The following SYN3 variants were observed in gnomAD, a reference collection of about 807,000 sequenced individuals.
SYN3 encodes synapsin III.
In SYN3, 35 loss-of-function variants were observed where a neutral mutation model predicts 65.8. The observed-to-expected ratio is 0.53, with a 90% CI of 0.41 to 0.70. The LOEUF (loss-of-function observed/expected upper bound fraction) is 0.70. Ranked by LOEUF, SYN3 falls within the 30% of genes least tolerant of loss-of-function variation. The pLI is 0.00. For missense variants in SYN3, 680 were observed against 749.0 expected (o/e 0.91, Z 1.08); for synonymous variants, 270 against 292.9 (o/e 0.92, Z 0.80).
intron 12 of SYN3, among the ~76,000 whole-genome samples, chr22:32,526,923 G>A (rs909098665): frequency 1.3e-5 from 2 of 152,310 alleles, no homozygotes; most frequent in South Asian, 4.1e-4. Context: ...GCCAGAGCGA[G>A]TGTGCCCAGG....
intron 6 of SYN3, among the ~76,000 whole-genome samples, chr22:32,627,440 C>A (rs73881771): frequency 0.03 from 4,510 of 152,242 alleles, 87 homozygotes; most frequent in African/African-American, 0.054. Flanking sequence ...GACGCACACT[C>A]ACGGCAGGTC....
At chr22:32,964,100 G>C (rs2051746053) in intron 3 of SYN3, among the ~76,000 whole-genome samples, 1 of 152,064 alleles carries the variant, frequency 6.6e-6, no homozygotes, top group Non-Finnish European at 1.5e-5. Flanking sequence ...TCACCCATTA[G>C]CTCACGACAT....
chr22:32,864,882 A>G, intron 6 of SYN3, 33 bp downstream of exon 6: 1 of 1,575,346 alleles, frequency 6.3e-7, no homozygotes, highest in South Asian at 1.1e-5. Flanking sequence ...ATTCCGCATC[A>G]TGCAAAGAAA....
intron 6 of SYN3, among the ~76,000 whole-genome samples, chr22:32,845,732 G>T (rs2048042303): frequency 6.6e-6 from 1 of 152,138 alleles, no homozygotes; most frequent in African/African-American, 2.4e-5. Context: ...TGTAAAGCTG[G>T]CTTCTAGCCA....
chr22:32,895,455 C>T (rs1216769016), intron 4 of SYN3, among the ~76,000 whole-genome samples: 1 of 152,144 alleles, frequency 6.6e-6, no homozygotes, highest in African/African-American at 2.4e-5. Context: ...CTGAAGAACT[C>T]AGACTAATAC....
chr22:32,561,630 C>T (rs566523188), intron 7 of SYN3, among the ~76,000 whole-genome samples: 3 of 152,316 alleles, frequency 2.0e-5, no homozygotes, highest in Middle Eastern at 3.4e-3. Flanking sequence ...CCTGGCCTGT[C>T]GGCTGCCTGC....
At chr22:32,776,721 T>G (rs188866558) in intron 6 of SYN3, among the ~76,000 whole-genome samples, 4 of 152,202 alleles carry the variant, frequency 2.6e-5, no homozygotes, top group Admixed American at 2.6e-4. Context: ...TGGGATCCTA[T>G]GAGGATCAGA....
In SYN3 at chr22:32,686,689, G is replaced by A. The variant is rs796141936; in HGVS notation, c.712-89953C>T. On this transcript the variant is annotated intron_variant, in intron 6 of 13. Coordinates refer to ENST00000358763, the MANE Select transcript of SYN3 (RefSeq NM_003490.4). The stretch of plus-strand genomic sequence containing the variant: ...TCGGCTCACTGCAACCTCCACTCCC[G>A]GGTTCAAGTGATTCTCCTACCTCAG... Among the ~76,000 whole-genome samples the A allele has an allele frequency of 2.3e-3, 297 of 127,534 alleles. 3 individuals are homozygous for A. In the East Asian group the frequency reaches 0.04, roughly 17 times the overall value. The allele number at this position is 127,534 out of a possible 152,430, so 83.7% of individuals were successfully genotyped here. A position where few individuals can be genotyped will look rare whatever the true frequency, so the allele number is the denominator to read the frequency against.
At chr22:32,676,116 G>A (rs1377963139) in intron 6 of SYN3, among the ~76,000 whole-genome samples, 2 of 152,220 alleles carry the variant, frequency 1.3e-5, no homozygotes, top group African/African-American at 4.8e-5. Context: ...GATCTCCCCT[G>A]AGGAGCCCTC....
intron 3 of SYN3, among the ~76,000 whole-genome samples, chr22:32,978,916 C>T (rs751817421): frequency 4.6e-5 from 7 of 152,068 alleles, no homozygotes; most frequent in African/African-American, 7.2e-5. Flanking sequence ...TGGTGGCTCA[C>T]GCCTGTAATC....
chr22:32,891,697 G>A (rs1031696365), intron 4 of SYN3, among the ~76,000 whole-genome samples: 2 of 152,006 alleles, frequency 1.3e-5, no homozygotes, highest in African/African-American at 2.4e-5. Context: ...CCTAATATAC[G>A]GACCTGTTTT....
At chr22:32,524,461 T>C (rs1354529301) in intron 12 of SYN3, among the ~76,000 whole-genome samples, 1 of 152,200 alleles carries the variant, frequency 6.6e-6, no homozygotes, top group Non-Finnish European at 1.5e-5. Context: ...GCTGTGTAAA[T>C]GGAAAAACAA....
Position 32,952,681 on chromosome 22 carries a change from C to T in SYN3, c.370-21200G>A, listed in dbSNP as rs563458610. On this transcript the variant is annotated intron_variant, in intron 3 of 13. Transcript: ENST00000358763. ...GAAGCGGAAGGCTCACTCGAGCCCA[C>T]GAGTTCAAGGCTGCAGTGAGCTATG... is the stretch of plus-strand genomic sequence containing the variant. Among the ~76,000 whole-genome samples, 139 of 152,194 alleles carry T rather than the reference C, an allele frequency of 9.1e-4. 2 individuals carry two copies. The highest frequency in any genetic ancestry group is 6.4e-3 in the South Asian group (31 of 4,820).
At chr22:32,647,801 G>A (rs1294802580) in intron 6 of SYN3, among the ~76,000 whole-genome samples, 2 of 152,096 alleles carry the variant, frequency 1.3e-5, no homozygotes, top group African/African-American at 2.4e-5. Flanking sequence ...TAGAGACAGG[G>A]TTCCATCATA....
At chr22:32,893,134 T>A (rs990720056) in intron 4 of SYN3, among the ~76,000 whole-genome samples, 1 of 152,184 alleles carries the variant, frequency 6.6e-6, no homozygotes, top group South Asian at 2.1e-4. Flanking sequence ...GCTCTCACTT[T>A]TATGACCAGG....
At chr22:32,525,690 G>T (rs1019310672) in intron 12 of SYN3, among the ~76,000 whole-genome samples, 2 of 143,584 alleles carry the variant, frequency 1.4e-5, no homozygotes, top group Admixed American at 1.4e-4. Context: ...CAGCCTGGGC[G>T]ACAAGGAGAC....
chr22:32,543,283 CTG>C (rs1372669755), intron 7 of SYN3, among the ~76,000 whole-genome samples: 2 of 152,180 alleles, frequency 1.3e-5, no homozygotes, highest in East Asian at 3.9e-4. Flanking sequence ...GATAAGGAAA[CTG>C]AGATTTCTTG....
chr22:32,868,087 A>C (rs2048736730), intron 5 of SYN3, among the ~76,000 whole-genome samples: 1 of 152,194 alleles, frequency 6.6e-6, no homozygotes, highest in Non-Finnish European at 1.5e-5. Context: ...CTGTAAAATG[A>C]AGGGTTGACA....
chr22:32,640,845 C>T (rs536457258), intron 6 of SYN3, among the ~76,000 whole-genome samples: 52 of 151,580 alleles, frequency 3.4e-4, no homozygotes, highest in African/African-American at 7.8e-4. Context: ...CCAGCCTGGG[C>T]GACAGAGCAA....
Sources: gnomAD v4.1 joint callset for allele counts (sites outside exome capture counted in the v4.1 genomes callset) on GRCh38, gnomAD v4.1.1 for gene constraint, MANE v1.5 for transcripts, NCBI Gene and HGNC (gene_info 2026-07-23, HGNC 2026-07-21) for gene names.